Variants in ENPP6 observed in about 807,000 individuals in gnomAD.
ENPP6 encodes the protein ectonucleotide pyrophosphatase/phosphodiesterase 6.
In ENPP6, 32 loss-of-function variants were observed where a neutral mutation model predicts 42.0. That is an observed-to-expected ratio of 0.76 (90% CI 0.58 to 1.02). ENPP6 has a LOEUF of 1.02. Among genes scored for constraint, ENPP6 ranks in the 50% least tolerant of loss-of-function variants. The probability of loss-of-function intolerance (pLI) is 0.00; values close to 1 mark genes in which losing one functional copy is unlikely to be tolerated. For missense variants in ENPP6, 552 were observed against 566.8 expected (o/e 0.97, Z 0.27); for synonymous variants, 213 against 216.0 (o/e 0.99, Z 0.12).
intron 1 of ENPP6, among the ~76,000 whole-genome samples, chr4:184,175,390 A>G (rs1737543383): frequency 1.3e-5 from 2 of 152,110 alleles, no homozygotes; most frequent in African/African-American, 2.4e-5. Flanking sequence ...GAATCACATA[A>G]TAATCACTGA....
At chr4:184,118,758 T>C (rs1056794168) in intron 3 of ENPP6, among the ~76,000 whole-genome samples, 2 of 152,160 alleles carry the variant, frequency 1.3e-5, no homozygotes, top group African/African-American at 4.8e-5. Context: ...TCATTTGCAA[T>C]GAATTGTTTG....
intron 1 of ENPP6, among the ~76,000 whole-genome samples, chr4:184,206,784 C>T (rs1011126325): frequency 2.0e-5 from 3 of 152,152 alleles, no homozygotes; most frequent in Non-Finnish European, 4.4e-5. Flanking sequence ...GACAAAATGC[C>T]GTGGCACAAA....
intron 2 of ENPP6, among the ~76,000 whole-genome samples, chr4:184,141,849 C>T (rs1167200836): frequency 2.0e-5 from 3 of 152,176 alleles, no homozygotes; most frequent in African/African-American, 4.8e-5. Flanking sequence ...TTTTGATACA[C>T]TTATTTTTTT....
intron 3 of ENPP6, among the ~76,000 whole-genome samples, chr4:184,123,739 A>C (rs1001324907): frequency 6.6e-6 from 1 of 152,188 alleles, no homozygotes. Context: ...ATACCCATGC[A>C]TTTTGTACAT....
chr4:184,124,896 C>G (rs575871556), intron 2 of ENPP6, among the ~76,000 whole-genome samples: 3 of 152,300 alleles, frequency 2.0e-5, no homozygotes, highest in Non-Finnish European at 4.4e-5. Context: ...TTTTCTGCCC[C>G]AGACTCCTGG....
chr4:184,125,439 G>C (rs1736487938), intron 2 of ENPP6, among the ~76,000 whole-genome samples: 1 of 152,158 alleles, frequency 6.6e-6, no homozygotes, highest in African/African-American at 2.4e-5. Flanking sequence ...GCTCTTTCTT[G>C]TAGCCCAGGG....
chr4:184,151,105 A>G (rs559457884), intron 2 of ENPP6, among the ~76,000 whole-genome samples: 1 of 152,356 alleles, frequency 6.6e-6, no homozygotes, highest in Admixed American at 6.5e-5. Context: ...TGGGAGGCCA[A>G]GGTGGGTGGA....
At chr4:184,182,335 G>A (rs141454920) in intron 1 of ENPP6, among the ~76,000 whole-genome samples, 213 of 152,250 alleles carry the variant, frequency 1.4e-3, no homozygotes, top group African/African-American at 4.2e-3. Flanking sequence ...CAGTCAGAAC[G>A]GCGATTACTA....
chr4:184,208,681 C>T (rs1733047493), intron 1 of ENPP6, among the ~76,000 whole-genome samples: 4 of 148,906 alleles, frequency 2.7e-5, no homozygotes, highest in Admixed American at 1.3e-4. Context: ...CCGCCATTGC[C>T]CAGGCTTGCT....
At chr4:184,157,419 T>TTCTC (rs149313850) in intron 1 of ENPP6, among the ~76,000 whole-genome samples, 38 of 150,780 alleles carry the variant, frequency 2.5e-4, no homozygotes, top group African/African-American at 7.0e-4. Context: ...CTTTCTTTCT[T>TTCTC]TCTTTCTTTC....
At chr4:184,111,036 G>A (rs1356589620) in intron 6 of ENPP6, among the ~76,000 whole-genome samples, 1 of 152,010 alleles carries the variant, frequency 6.6e-6, no homozygotes, top group Non-Finnish European at 1.5e-5. Flanking sequence ...GACCTTTCTC[G>A]CTGGAATTGA....
In ENPP6 at chr4:184,113,365, C is replaced by T. The variant is rs77285878; in HGVS notation, c.856-556G>A. Among the ~76,000 whole-genome samples the T allele has an allele frequency of 3.9e-4, 59 of 151,958 alleles. No individual in the cohort carries two copies. In the East Asian group the frequency reaches 5.0e-3, roughly 13 times the overall value. ...ACAGCATATATGGTAAAACTGTAAA[C>T]GGAGGTTTTAATAATTTAAGACAGT... On this transcript the variant is annotated intron_variant, in intron 5 of 7. Transcript: ENST00000296741.
rs6849131 is a variant in ENPP6, at chr4:184,126,045, G to A, written c.422-1773C>T. Among the ~76,000 whole-genome samples, 294 of 152,308 alleles carry A rather than the reference G, an allele frequency of 1.9e-3. 1 individual carries two copies. The South Asian group carries it at 0.038, about 20-fold the overall frequency. ...ACAGTCATGTACAGTGTGACCAGGT[G>A]TCTGCTTCTAGCATCTCTGACACAT... On this transcript the variant is annotated intron_variant, in intron 2 of 7. Transcript: ENST00000296741.
intron 6 of ENPP6, among the ~76,000 whole-genome samples, chr4:184,101,877 C>A (rs906500102): frequency 3.9e-4 from 59 of 152,192 alleles, no homozygotes; most frequent in Non-Finnish European, 1.2e-4. Context: ...CAGGAAGGAA[C>A]CAGAAACAAG....
At chr4:184,131,430 T>C (rs1370969668) in intron 2 of ENPP6, among the ~76,000 whole-genome samples, 1 of 151,142 alleles carries the variant, frequency 6.6e-6, no homozygotes, top group Non-Finnish European at 1.5e-5. Context: ...CTTAGCTCAC[T>C]GCAATCTCTG....
chr4:184,216,994 A>T (rs1028541016), intron 1 of ENPP6: 33 of 152,190 alleles, frequency 2.2e-4, no homozygotes, highest in African/African-American at 7.7e-4. Context: ...TCTTCTCCGT[A>T]TCATTTTACC....
At chr4:184,217,496 T>C (rs960315991) in intron 1 of ENPP6, 83 bp downstream of exon 1, 105 of 1,555,390 alleles carry the variant, frequency 6.8e-5, no homozygotes, top group Non-Finnish European at 9.0e-5. Flanking sequence ...AGCATTTAAA[T>C]AAGACTCCAA....
chr4:184,129,118 A>G (rs1407863554), intron 2 of ENPP6, among the ~76,000 whole-genome samples: 1 of 152,222 alleles, frequency 6.6e-6, no homozygotes, highest in African/African-American at 2.4e-5. Flanking sequence ...TATCATCACC[A>G]TGGTAATTTA....
intron 1 of ENPP6, among the ~76,000 whole-genome samples, chr4:184,201,839 C>G (rs1732909560): frequency 6.6e-6 from 1 of 152,072 alleles, no homozygotes; most frequent in South Asian, 2.1e-4. Flanking sequence ...CTTTAGGCAG[C>G]TTAATCGAGG....
Sources: allele counts gnomAD v4.1 joint callset (sites outside exome capture counted in the v4.1 genomes callset), GRCh38; gene constraint gnomAD v4.1.1; transcripts MANE v1.5; gene names NCBI Gene and HGNC (gene_info 2026-07-23, HGNC 2026-07-21).